PLEKHM2: variants seen among roughly 807,000 people sequenced by gnomAD.
The protein encoded by PLEKHM2 is pleckstrin homology domain-containing family M member 2.
Under a neutral mutation model 116.3 loss-of-function variants are expected in PLEKHM2, and 77 were observed. The ratio of observed to expected loss-of-function variants is 0.66; its 90% confidence interval spans 0.55 to 0.80. PLEKHM2 has a LOEUF of 0.80. Ranked by LOEUF, PLEKHM2 falls within the 30% of genes least tolerant of loss-of-function variation. The probability of loss-of-function intolerance (pLI) is 0.00; values close to 1 mark genes in which losing one functional copy is unlikely to be tolerated. For synonymous variants in PLEKHM2, 562 were observed against 571.0 expected, an observed-to-expected ratio of 0.98 and a Z score of 0.22; for missense variants, 1,183 against 1,354.9, an observed-to-expected ratio of 0.87 and a Z score of 1.99.
intron 1 of PLEKHM2, among the ~76,000 whole-genome samples, chr1:15,705,170 CTTTTTTTTTTTTT>C (rs71306988): frequency 6.8e-5 from 5 of 74,046 alleles, no homozygotes; most frequent in African/African-American, 2.5e-4. Context: ...ACGTAGATAT[CTTTTTTTTTTTTT>C]TTTTTTTTTT....
At chr1:15,701,784 C>A (rs1355282370) in intron 1 of PLEKHM2, among the ~76,000 whole-genome samples, 1 of 152,150 alleles carries the variant, frequency 6.6e-6, no homozygotes, top group African/African-American at 2.4e-5. Context: ...CAGCGAGAAT[C>A]CCTCTCAAAA....
intron 1 of PLEKHM2, among the ~76,000 whole-genome samples, chr1:15,688,993 A>G (rs547122775): frequency 6.6e-6 from 1 of 152,174 alleles, no homozygotes; most frequent in Non-Finnish European, 1.5e-5. Context: ...TCATGCCTGT[A>G]ACCCCAACAC....
At position 15,728,225 on chromosome 1, in the gene PLEKHM2, G is replaced by A; in HGVS notation, c.1831-42G>A. 1 of 1,607,524 alleles carries A rather than the reference G, an allele frequency of 6.2e-7. No homozygotes were observed. Among genetic ancestry groups the A allele is most frequent in the Non-Finnish European group, 8.5e-7 (1 of 1,175,768 alleles). ...ATGGGCCACCGCCCCCGCTGGAGCG[G>A]CAGGAGCCACCTGCCTGACCCTTGT... On this transcript the variant is annotated intron_variant, in intron 10 of 19. Coordinates refer to ENST00000375799, the MANE Select transcript of PLEKHM2 (RefSeq NM_015164.4). The surrounding 1 kb of genome is among the most constrained non-coding windows in gnomAD (Gnocchi z 5.9).
chr1:15,693,886 C>T (rs1396730793), intron 1 of PLEKHM2, among the ~76,000 whole-genome samples: 1 of 152,136 alleles, frequency 6.6e-6, no homozygotes, highest in Non-Finnish European at 1.5e-5. Context: ...TTGTGGGGCT[C>T]CTGGCTGGGT....
chr1:15,707,104 CA>C (rs35371488), intron 1 of PLEKHM2, among the ~76,000 whole-genome samples: 50,665 of 144,196 alleles, frequency 0.35, 10,426 homozygotes, highest in African/African-American at 0.59. Flanking sequence ...AACTCCGTCT[CA>C]AAAAAAAAAA....
At chr1:15,733,456 C>T (rs925570896) in intron 19 of PLEKHM2, among the ~76,000 whole-genome samples, 17 of 152,254 alleles carry the variant, frequency 1.1e-4, no homozygotes, top group Admixed American at 5.2e-4. Context: ...ATGCTACGCT[C>T]TAGCCCCGTG....
Position 15,728,849 on chromosome 1 carries a change from C to A in PLEKHM2, c.1986+116C>A. 1.0e-6 allele frequency: 1 copy of A among 980,732 alleles called. No homozygotes were observed. Among genetic ancestry groups the A allele is most frequent in the Non-Finnish European group, 1.6e-6 (1 of 637,808 alleles). 60.8% of individuals were successfully genotyped at this position (980,732 alleles called of 1,614,324 possible). A position where few individuals can be genotyped will look rare whatever the true frequency, so the allele number is the denominator to read the frequency against. On this transcript the variant is annotated intron_variant, in intron 12 of 19. Coordinates refer to ENST00000375799, the MANE Select transcript of PLEKHM2 (RefSeq NM_015164.4). The surrounding 1 kb of genome is among the most constrained non-coding windows in gnomAD (Gnocchi z 5.9). ...CTTACTCCCCTCCCGGGGTTGGGCACCAACTTAACTCTCAGAGAGGCTTCT... is the reference window on the plus strand; with the variant it reads ...CTTACTCCCCTCCCGGGGTTGGGCAACAACTTAACTCTCAGAGAGGCTTCT...
chr1:15,702,825 A>G lies in PLEKHM2; in HGVS notation c.61-13412A>G, dbSNP rs1363363381. Among the ~76,000 whole-genome samples, 4 of 143,046 alleles carry G rather than the reference A, an allele frequency of 2.8e-5. No individual in the cohort carries two copies. In the East Asian group the frequency reaches 6.3e-4, roughly 22 times the overall value. The allele number at this position is 143,046 out of a possible 152,430, so 93.8% of individuals were successfully genotyped here. ...AGCCTCCAGCTCCTGGGCTCAAGCAATCCTCCTGCCTTAGCCTTCCGAGTA... is the reference window on the plus strand; with the variant it reads ...AGCCTCCAGCTCCTGGGCTCAAGCAGTCCTCCTGCCTTAGCCTTCCGAGTA... On this transcript the variant is annotated intron_variant, in intron 1 of 19. Transcript: ENST00000375799.
intron 8 of PLEKHM2, chr1:15,725,914 C>T (rs1284396864): frequency 3.8e-6 from 1 of 260,232 alleles, no homozygotes; most frequent in African/African-American, 2.2e-5. Flanking sequence ...CTCTAGGGTC[C>T]CTTTTATGAG....
Position 15,727,455 on chromosome 1 carries a change from A to G in PLEKHM2, c.1383A>G (p.Pro461=). 6.2e-7 allele frequency: 1 copy of G among 1,605,036 alleles called. No homozygotes were observed. Among genetic ancestry groups the G allele is most frequent in the Non-Finnish European group, 8.5e-7 (1 of 1,176,514 alleles). Residue 461 remains proline, a synonymous_variant, in exon 9 of 20, where the codon CCA becomes CCG. Coordinates refer to ENST00000375799, the MANE Select transcript of PLEKHM2 (RefSeq NM_015164.4). This position sits in a 1 kb window ranked among gnomAD's most constrained non-coding sequence, Gnocchi z 7.5. The part of the protein sequence containing the change: ...LCDFSEGLSA[P]MDFYRFTVES... ...ACTTTAGTGAGGGGCTTTCAGCCCCAATGGACTTCTACCGCTTTACCGTCG... is the reference window on the plus strand; with the variant it reads ...ACTTTAGTGAGGGGCTTTCAGCCCCGATGGACTTCTACCGCTTTACCGTCG...
chr1:15,684,704 C>CTG (rs1305591971), intron 1 of PLEKHM2, 86 bp downstream of exon 1: 190 of 685,224 alleles, frequency 2.8e-4, no homozygotes, highest in Non-Finnish European at 3.2e-4. Context: ...GCCGGGGCCC[C>CTG]CCGCCCTTCC....
At position 15,684,522 on chromosome 1, in the gene PLEKHM2, C is replaced by CGGT. The variant is rs758579555; in HGVS notation, c.-34_-32dup. ...GGAAGCGGCGGCGGGGCGGCGGCGG[C>CGGT]GGTGGCGGTGGCGGTGGCGGCGACG... On this transcript the variant is annotated 5_prime_UTR_variant, in exon 1 of 20. Coordinates refer to ENST00000375799, the MANE Select transcript of PLEKHM2 (RefSeq NM_015164.4). The CGGT allele has an allele frequency of 3.0e-5, 32 of 1,079,932 alleles. No individual in the cohort carries two copies. The highest frequency in any genetic ancestry group is 1.1e-4 in the East Asian group (2 of 17,706). 66.9% of individuals were successfully genotyped at this position (1,079,932 alleles called of 1,614,324 possible).
intron 1 of PLEKHM2, among the ~76,000 whole-genome samples, chr1:15,711,043 T>C (rs1641321223): frequency 6.6e-6 from 1 of 151,584 alleles, no homozygotes; most frequent in Non-Finnish European, 1.5e-5. Flanking sequence ...GATCCTTACC[T>C]CATGACATAT....
At chr1:15,705,724 G>C (rs1394566234) in intron 1 of PLEKHM2, among the ~76,000 whole-genome samples, 1 of 152,072 alleles carries the variant, frequency 6.6e-6, no homozygotes, top group African/African-American at 2.4e-5. Context: ...TTTTCCCATT[G>C]TCGGGGCTGC....
chr1:15,712,650 T>A (rs1049517252), intron 1 of PLEKHM2, among the ~76,000 whole-genome samples: 1 of 146,052 alleles, frequency 6.8e-6, no homozygotes, highest in Non-Finnish European at 1.5e-5. Context: ...TTATTTTCCT[T>A]TTTTTTTTTT....
chr1:15,701,973 C>T lies in PLEKHM2; in HGVS notation c.61-14264C>T, dbSNP rs971318299. Reference sequence around the variant, plus strand: ...CTCGGGGGGGTAGTCGTTATGGTGGCCTCCCTGAAGGGACATTCAGTAGTT... The same window carrying T: ...CTCGGGGGGGTAGTCGTTATGGTGGTCTCCCTGAAGGGACATTCAGTAGTT... On this transcript the variant is annotated intron_variant, in intron 1 of 19. Transcript: ENST00000375799. Among the ~76,000 whole-genome samples, 4 of 152,304 alleles carry T rather than the reference C, an allele frequency of 2.6e-5. No individual in the cohort carries two copies. In the South Asian group the frequency reaches 8.3e-4, roughly 32 times the overall value.
rs1448509542 is a variant in PLEKHM2 at position 15,732,641 on chromosome 1, C to T, written c.2835C>T (p.Leu945=). The change falls in exon 19 of 20, where the codon CTC becomes CTT. Residue 945 remains leucine, a synonymous_variant. Transcript: ENST00000375799. ...TCTCCCAGGACAGCCAGCAGCTCCT[C>T]CCGCCCTGGGTCATCTACCTGAGCT... ...LEFSQDSQQL[L]PPWVIYLSCT... 3 of 1,606,720 alleles carry T rather than the reference C, an allele frequency of 1.9e-6. No individual in the cohort carries two copies. The highest frequency in any genetic ancestry group is 2.5e-6 in the Non-Finnish European group (3 of 1,176,822).
At position 15,706,087 on chromosome 1, in the gene PLEKHM2, C is replaced by T. The variant is rs190432985; in HGVS notation, c.61-10150C>T. 4.5e-3 allele frequency among the ~76,000 whole-genome samples: 683 copies of T among 152,266 alleles called. 6 individuals are homozygous for T. The highest frequency in any genetic ancestry group is 0.016 in the African/African-American group (660 of 41,562). On this transcript the variant is annotated intron_variant, in intron 1 of 19. Transcript: ENST00000375799. ...CAGAGCAAGACCCTGTCTCAAAAAACAAGCAAGAAGCTATAGCAGCTTTGT... is the reference window on the plus strand; with the variant it reads ...CAGAGCAAGACCCTGTCTCAAAAAATAAGCAAGAAGCTATAGCAGCTTTGT...
chr1:15,706,710 G>A (rs1475850785), intron 1 of PLEKHM2, among the ~76,000 whole-genome samples: 1 of 152,050 alleles, frequency 6.6e-6, no homozygotes, highest in Non-Finnish European at 1.5e-5. Flanking sequence ...CCCGGCTTTT[G>A]TATTTATTTT....
Sources: allele counts gnomAD v4.1 joint callset (sites outside exome capture counted in the v4.1 genomes callset), GRCh38; gene constraint gnomAD v4.1.1; non-coding constraint Gnocchi (gnomAD v3.1); transcripts MANE v1.5; gene names NCBI Gene and HGNC (gene_info 2026-07-23, HGNC 2026-07-21).